Variants in SLC24A2 observed in about 807,000 individuals in gnomAD.
SLC24A2 encodes sodium/potassium/calcium exchanger 2.
In SLC24A2, 36 loss-of-function variants were observed where a neutral mutation model predicts 62.0. The ratio of observed to expected loss-of-function variants is 0.58; its 90% confidence interval spans 0.44 to 0.77. The LOEUF is 0.77. Among genes scored for constraint, SLC24A2 ranks in the 30% least tolerant of loss-of-function variants. The probability of loss-of-function intolerance (pLI) is 0.00; values close to 1 mark genes in which losing one functional copy is unlikely to be tolerated. For synonymous variants in SLC24A2, 358 were observed against 294.0 expected (o/e 1.22, Z -2.23); for missense variants, 846 against 817.9 (o/e 1.03, Z -0.42).
the SLC24A2 span, among the ~76,000 whole-genome samples, chr9:20,280,040 C>T: frequency 1.3e-3 from 201 of 152,268 alleles, 1 homozygote; most frequent in African/African-American, 3.1e-3. Context: ...CAGGGTCTGG[C>T]GGGAAAAATA....
At position 19,533,745 on chromosome 9, in the gene SLC24A2, G is replaced by C. The variant is rs564302992; in HGVS notation, c.1480-5607C>G. 1.2e-3 allele frequency among the ~76,000 whole-genome samples: 182 copies of C among 152,264 alleles called. 1 individual carries two copies. Among genetic ancestry groups the C allele is most frequent in the African/African-American group, 4.1e-3 (171 of 41,552 alleles). ...CAAATTGCCAATTCACAGAATTATGGGCTAAAAAATGTCTTGTATTAAGCC... is the reference window on the plus strand; with the variant it reads ...CAAATTGCCAATTCACAGAATTATGCGCTAAAAAATGTCTTGTATTAAGCC... On this transcript the variant is annotated intron_variant, in intron 8 of 10. Transcript: ENST00000341998.
chr9:19,960,015 A>C, the SLC24A2 span, among the ~76,000 whole-genome samples: 1 of 152,220 alleles, frequency 6.6e-6, no homozygotes, highest in Non-Finnish European at 1.5e-5. Context: ...GCACACCAAG[A>C]ATTACAACTA....
chr9:20,040,241 A>G, the SLC24A2 span, among the ~76,000 whole-genome samples: 2 of 152,214 alleles, frequency 1.3e-5, no homozygotes, highest in Non-Finnish European at 2.9e-5. Flanking sequence ...TTTTGGTGCT[A>G]TTAAAAATCT....
At chr9:19,545,945 C>T (rs967775938) in intron 8 of SLC24A2, among the ~76,000 whole-genome samples, 3 of 152,180 alleles carry the variant, frequency 2.0e-5, no homozygotes, top group African/African-American at 7.2e-5. Flanking sequence ...CCTAGTTTTC[C>T]TTCTAACAGG....
chr9:20,276,041 A>G, the SLC24A2 span, among the ~76,000 whole-genome samples: 1 of 152,074 alleles, frequency 6.6e-6, no homozygotes, highest in Non-Finnish European at 1.5e-5. Context: ...ACACAGCCAA[A>G]CCATATCATT....
rs1328875602 is a variant in SLC24A2, at chr9:19,516,011, A to T, written c.*142T>A. On this transcript the variant is annotated 3_prime_UTR_variant, in exon 11 of 11. Transcript: ENST00000341998. The stretch of plus-strand genomic sequence containing the variant: ...AAGTGAATGGGCCCAGTGTGAATCC[A>T]TCTCTCCTCAAATTCACCAAGGAGG... The T allele has an allele frequency of 1.6e-5, 16 of 1,019,560 alleles. No individual in the cohort carries two copies. Among genetic ancestry groups the T allele is most frequent in the Non-Finnish European group, 2.2e-5 (14 of 646,482 alleles). The allele number at this position is 1,019,560 out of a possible 1,614,324, so 63.2% of individuals were successfully genotyped here.
chr9:19,801,269 C>T, the SLC24A2 span, among the ~76,000 whole-genome samples: 4 of 152,162 alleles, frequency 2.6e-5, no homozygotes, highest in African/African-American at 4.8e-5. Context: ...GTGTTCAGCT[C>T]GATTAGGATG....
At chr9:19,763,029 C>T (rs755704191) in intron 2 of SLC24A2, among the ~76,000 whole-genome samples, 1 of 151,984 alleles carries the variant, frequency 6.6e-6, no homozygotes, top group African/African-American at 2.4e-5. Flanking sequence ...TTGAGGTGGT[C>T]CTTCACATCC....
the SLC24A2 span, among the ~76,000 whole-genome samples, chr9:20,281,358 C>G: frequency 6.6e-6 from 1 of 152,114 alleles, no homozygotes; most frequent in East Asian, 1.9e-4. Flanking sequence ...TTCAAATATG[C>G]ACATATCATT....
intron 10 of SLC24A2, among the ~76,000 whole-genome samples, chr9:19,519,263 G>C (rs959040775): frequency 3.3e-5 from 5 of 152,080 alleles, no homozygotes; most frequent in African/African-American, 9.7e-5. Context: ...AGAAAACTTT[G>C]TGAAATATAT....
the SLC24A2 span, among the ~76,000 whole-genome samples, chr9:19,906,279 C>T: frequency 4.7e-4 from 72 of 151,586 alleles, no homozygotes; most frequent in African/African-American, 1.1e-3. Context: ...TTGAAACCAA[C>T]GAGAACAAAG....
the SLC24A2 span, among the ~76,000 whole-genome samples, chr9:20,260,686 A>T: frequency 6.6e-6 from 1 of 151,882 alleles, no homozygotes. Flanking sequence ...TGTGGAGAAC[A>T]GGTGGTGTTT....
the SLC24A2 span, among the ~76,000 whole-genome samples, chr9:20,022,722 T>G: frequency 6.6e-6 from 1 of 152,232 alleles, no homozygotes; most frequent in Admixed American, 6.5e-5. Context: ...GGTTGACTGT[T>G]ATTAAAAAGA....
the SLC24A2 span, among the ~76,000 whole-genome samples, chr9:19,993,613 T>C: frequency 6.6e-6 from 1 of 152,188 alleles, no homozygotes; most frequent in South Asian, 2.1e-4. Context: ...GCGTGCCACA[T>C]TAATTCTTCA....
chr9:19,520,965 C>T lies in SLC24A2; in HGVS notation c.1665G>A (p.Val555=), dbSNP rs1353696526. Residue 555 remains valine, a synonymous_variant, in exon 10 of 11, where the codon GTG becomes GTA. Transcript: ENST00000341998. ...CCATGTCCCCTAACCCCTTCCGGGC[C>T]ACTATGACACTGGTGATAAGATCAG... ...SIPDLITSVI[V]ARKGLGDMAV... 1 of 1,614,076 alleles carries T rather than the reference C, an allele frequency of 6.2e-7. No individual in the cohort carries two copies. The highest frequency in any genetic ancestry group is 2.2e-5 in the East Asian group (1 of 44,852).
chr9:19,541,783 T>C (rs1471265845), intron 8 of SLC24A2, among the ~76,000 whole-genome samples: 1 of 148,614 alleles, frequency 6.7e-6, no homozygotes, highest in African/African-American at 2.5e-5. Flanking sequence ...GCCTGGGCAA[T>C]GGCGGGCGCC....
At chr9:19,561,385 T>G (rs933010363) in intron 7 of SLC24A2, among the ~76,000 whole-genome samples, 10 of 152,104 alleles carry the variant, frequency 6.6e-5, no homozygotes, top group African/African-American at 2.2e-4. Context: ...TGTCTTGCCT[T>G]CTGTGTGAAC....
the SLC24A2 span, among the ~76,000 whole-genome samples, chr9:20,022,918 T>C: frequency 0.097 from 14,690 of 152,206 alleles, 1,105 homozygotes; most frequent in East Asian, 0.41. Context: ...ATTAATGTAT[T>C]TGACTAAAGA....
the SLC24A2 span, among the ~76,000 whole-genome samples, chr9:20,052,308 A>G: frequency 2.6e-5 from 4 of 152,170 alleles, no homozygotes; most frequent in Non-Finnish European, 4.4e-5. Context: ...CCCAACTAAG[A>G]TGGAAGCTAC....
Sources: gnomAD v4.1 joint callset for allele counts (sites outside exome capture counted in the v4.1 genomes callset) on GRCh38, gnomAD v4.1.1 for gene constraint, MANE v1.5 for transcripts, NCBI Gene and HGNC (gene_info 2026-07-23, HGNC 2026-07-21) for gene names.